The following NFIA variants were observed in gnomAD, a reference collection of about 807,000 sequenced individuals.
The protein encoded by NFIA is nuclear factor I A, also known as nuclear factor 1 A-type.
NFIA carries 8 observed loss-of-function variants against 62.8 expected under a neutral mutation model. The observed-to-expected ratio is 0.13, with a 90% CI of 0.07 to 0.23. NFIA has a LOEUF of 0.23. Among genes scored for constraint, NFIA ranks in the 10% least tolerant of loss-of-function variants. The pLI is 1.00. For synonymous variants in NFIA, 235 were observed against 238.1 expected, an observed-to-expected ratio of 0.99 and a Z score of 0.12; for missense variants, 410 against 642.1, an observed-to-expected ratio of 0.64 and a Z score of 3.91.
At chr1:61,266,762 T>C (rs1438777085) in intron 2 of NFIA, among the ~76,000 whole-genome samples, 1 of 152,226 alleles carries the variant, frequency 6.6e-6, no homozygotes, top group Non-Finnish European at 1.5e-5. Context: ...TGTTAGTATC[T>C]GTATGTTCCA....
intron 2 of NFIA, among the ~76,000 whole-genome samples, chr1:61,203,081 A>AT (rs1478893677): frequency 1.3e-5 from 2 of 152,176 alleles, no homozygotes; most frequent in Non-Finnish European, 2.9e-5. Context: ...TAACACCTAC[A>AT]TTTTTGCTGA....
intron 2 of NFIA, among the ~76,000 whole-genome samples, chr1:61,276,623 T>C (rs1052407736): frequency 1.3e-5 from 2 of 152,142 alleles, no homozygotes; most frequent in Non-Finnish European, 2.9e-5. Flanking sequence ...CCTTGAAACA[T>C]TTTGCCTGTT....
intron 6 of NFIA, among the ~76,000 whole-genome samples, chr1:61,372,699 T>C (rs1663958414): frequency 6.6e-6 from 1 of 152,160 alleles, no homozygotes; most frequent in African/African-American, 2.4e-5. Context: ...TTTAATAGTG[T>C]TTAATAGTAG....
chr1:61,113,596 GAAA>G (rs376543670), intron 2 of NFIA, among the ~76,000 whole-genome samples: 7 of 106,990 alleles, frequency 6.5e-5, no homozygotes, highest in Admixed American at 2.3e-4. Context: ...CTCCATCTCA[GAAA>G]AAAAAAAAAA....
At chr1:61,320,877 G>A (rs1660646170) in intron 3 of NFIA, among the ~76,000 whole-genome samples, 1 of 152,098 alleles carries the variant, frequency 6.6e-6, no homozygotes, top group South Asian at 2.1e-4. Context: ...ATCAGTTTCT[G>A]ATGTATTCAG....
chr1:61,101,296 G>A (rs1025578226), intron 2 of NFIA, among the ~76,000 whole-genome samples: 2 of 151,666 alleles, frequency 1.3e-5, no homozygotes, highest in African/African-American at 4.8e-5. Flanking sequence ...TCGGGAGGCC[G>A]AGGCAGGAGA....
At chr1:61,345,809 T>A (rs1483914912) in intron 4 of NFIA, among the ~76,000 whole-genome samples, 2 of 152,160 alleles carry the variant, frequency 1.3e-5, no homozygotes, top group African/African-American at 4.8e-5. Flanking sequence ...ATGAAACTGG[T>A]CTCTGGTGCC....
At chr1:61,202,468 C>G (rs1251987812) in intron 2 of NFIA, among the ~76,000 whole-genome samples, 1 of 152,054 alleles carries the variant, frequency 6.6e-6, no homozygotes, top group Non-Finnish European at 1.5e-5. Context: ...AGATTTATTG[C>G]AAATAATTCT....
At chr1:61,300,232 C>T (rs1215227630) in intron 3 of NFIA, among the ~76,000 whole-genome samples, 5 of 152,136 alleles carry the variant, frequency 3.3e-5, no homozygotes, top group African/African-American at 1.2e-4. Context: ...AACAATTACA[C>T]TCTAGAGTTT....
intron 2 of NFIA, among the ~76,000 whole-genome samples, chr1:61,271,286 G>A (rs1009938962): frequency 5.3e-5 from 8 of 152,142 alleles, no homozygotes; most frequent in East Asian, 1.9e-4. Flanking sequence ...ATGAGTAGGT[G>A]ATAAGGCAGT....
At chr1:61,153,033 G>T (rs1648532183) in intron 2 of NFIA, among the ~76,000 whole-genome samples, 1 of 152,208 alleles carries the variant, frequency 6.6e-6, no homozygotes, top group African/African-American at 2.4e-5. Context: ...GTCATTAAAG[G>T]TGAGGAGTGA....
At chr1:61,133,003 A>G (rs1489212296) in intron 2 of NFIA, 1 of 152,228 alleles carries the variant, frequency 6.6e-6, no homozygotes, top group Non-Finnish European at 1.5e-5. Flanking sequence ...AGACGAAGGA[A>G]AAAAGAATAA....
chr1:61,237,807 C>G (rs927693076), intron 2 of NFIA, among the ~76,000 whole-genome samples: 6 of 152,166 alleles, frequency 3.9e-5, no homozygotes, highest in Admixed American at 2.0e-4. Flanking sequence ...CATCACAGTA[C>G]TCATCTACCT....
chr1:61,392,983 C>T (rs1401844397), intron 7 of NFIA, among the ~76,000 whole-genome samples: 1 of 152,066 alleles, frequency 6.6e-6, no homozygotes, highest in East Asian at 2.0e-4. Context: ...CATAGACCCA[C>T]GTATCCATAC....
At chr1:61,186,000 C>T (rs960281434) in intron 2 of NFIA, among the ~76,000 whole-genome samples, 2 of 152,192 alleles carry the variant, frequency 1.3e-5, no homozygotes, top group Admixed American at 6.5e-5. Flanking sequence ...ACCTTTTGCA[C>T]TTTTCCTAAT....
At chr1:61,274,137 G>C (rs1657674383) in intron 2 of NFIA, among the ~76,000 whole-genome samples, 2 of 152,176 alleles carry the variant, frequency 1.3e-5, no homozygotes, top group Middle Eastern at 3.2e-3. Flanking sequence ...CGTTGACAGT[G>C]AACTATCTTT....
chr1:61,447,321 C>T (rs996230221), intron 10 of NFIA, among the ~76,000 whole-genome samples: 4 of 152,252 alleles, frequency 2.6e-5, no homozygotes, highest in African/African-American at 9.6e-5. Context: ...GGGTTTGTCC[C>T]ATTTCAGGGC....
chr1:61,317,925 G>A (rs1047385373), intron 3 of NFIA, among the ~76,000 whole-genome samples: 1 of 152,016 alleles, frequency 6.6e-6, no homozygotes, highest in Non-Finnish European at 1.5e-5. Context: ...ATAATCATTA[G>A]TGTCATTTTA....
chr1:61,205,762 G>A (rs939900395), intron 2 of NFIA, among the ~76,000 whole-genome samples: 2 of 152,060 alleles, frequency 1.3e-5, no homozygotes, highest in Non-Finnish European at 2.9e-5. Context: ...TTGAGCGGAC[G>A]AGAACTTCAA....
Sources: allele counts gnomAD v4.1 joint callset (sites outside exome capture counted in the v4.1 genomes callset), GRCh38; gene constraint gnomAD v4.1.1; transcripts MANE v1.5; gene names NCBI Gene and HGNC (gene_info 2026-07-23, HGNC 2026-07-21).